Variants in PKP2 observed in about 807,000 individuals in gnomAD.
The protein encoded by PKP2 is plakophilin-2.
A neutral mutation model predicts 83.4 loss-of-function variants in PKP2; 73 were observed. The ratio of observed to expected loss-of-function variants is 0.88; its 90% CI spans 0.72 to 1.06. The LOEUF (loss-of-function observed/expected upper bound fraction) is 1.06, where lower values mean the gene tolerates loss of function less well. Among genes scored for constraint, PKP2 ranks in the 50% least tolerant of loss-of-function variants. The pLI, the probability that PKP2 is intolerant of heterozygous loss-of-function variation, is 0.00. For synonymous variants in PKP2, 409 were observed against 430.4 expected (o/e 0.95, Z 0.62); for missense variants, 966 against 1,065.4 (o/e 0.91, Z 1.30).
At chr12:32,824,230 G>A in intron 6 of PKP2, 68 bp from the exon 7 acceptor site, 2 of 1,076,836 alleles carry the variant, frequency 1.9e-6, no homozygotes, top group Non-Finnish European at 2.9e-6. Context: ...TTGTTTTGAA[G>A]TTTTACTTGA....
At chr12:32,886,913 T>A (rs1290215941) in intron 1 of PKP2, among the ~76,000 whole-genome samples, 2 of 151,954 alleles carry the variant, frequency 1.3e-5, no homozygotes, top group Non-Finnish European at 2.9e-5. Flanking sequence ...GTGGGTGGAT[T>A]GCTTGAGCCC....
chr12:32,867,191 G>A (rs1407955553), intron 4 of PKP2, among the ~76,000 whole-genome samples: 1 of 152,194 alleles, frequency 6.6e-6, no homozygotes, highest in Non-Finnish European at 1.5e-5. Flanking sequence ...AGCTGGGCAT[G>A]GTTGTGTGCG....
chr12:32,854,616 T>C (rs568358332), intron 4 of PKP2, among the ~76,000 whole-genome samples: 76 of 152,252 alleles, frequency 5.0e-4, no homozygotes, highest in Non-Finnish European at 1.0e-3. Context: ...TTCCCAATTA[T>C]ACTGAATCCT....
At chr12:32,822,919 T>C (rs1956396216) in intron 7 of PKP2, among the ~76,000 whole-genome samples, 1 of 152,134 alleles carries the variant, frequency 6.6e-6, no homozygotes. Flanking sequence ...TTACTAGCCA[T>C]GTTGAGCTGG....
chr12:32,841,513 T>C (rs577209730), intron 5 of PKP2, among the ~76,000 whole-genome samples: 1 of 152,296 alleles, frequency 6.6e-6, no homozygotes, highest in East Asian at 1.9e-4. Flanking sequence ...TAAAGGGCCC[T>C]ACCACAAAGC....
At chr12:32,879,989 A>G (rs2137956536) in intron 1 of PKP2, among the ~76,000 whole-genome samples, 1 of 152,096 alleles carries the variant, frequency 6.6e-6, no homozygotes, top group South Asian at 2.1e-4. Context: ...TATAAAATTC[A>G]GTTTCCCGAG....
At chr12:32,884,310 C>G (rs1050893758) in intron 1 of PKP2, among the ~76,000 whole-genome samples, 2 of 152,052 alleles carry the variant, frequency 1.3e-5, no homozygotes, top group African/African-American at 4.8e-5. Context: ...AAAAATTAGC[C>G]GGGCGTGGTG....
chr12:32,805,734 T>C (rs957978656), intron 9 of PKP2, among the ~76,000 whole-genome samples: 3 of 152,228 alleles, frequency 2.0e-5, no homozygotes, highest in Admixed American at 2.0e-4. Context: ...TGAAGTCAGG[T>C]AGCATGATGC....
intron 5 of PKP2, among the ~76,000 whole-genome samples, chr12:32,849,028 CTTCTATGATGTATA>C (rs959208343): frequency 1.3e-5 from 2 of 148,306 alleles, no homozygotes; most frequent in Non-Finnish European, 3.0e-5. Flanking sequence ...AAAAAAACCT[CTTCTATGATGTATA>C]TTCTTTGAGC....
rs189036647 is a variant in PKP2 at position 32,841,210 on chromosome 12, A to G, written c.1379-5T>C. ...ATGACAAATTCCACAGCAAACCTAG[A>G]AAAGCACAGAGTTACCATGAAAACA... On this transcript the variant is annotated splice_region_variant and splice_polypyrimidine_tract_variant and intron_variant, in intron 5 of 12. Coordinates refer to ENST00000340811, the MANE Select transcript of PKP2 (RefSeq NM_001005242.3). 3.7e-6 allele frequency: 6 copies of G among 1,612,236 alleles called. No homozygotes were observed. The highest frequency in any genetic ancestry group is 5.1e-6 in the Non-Finnish European group (6 of 1,178,870).
intron 4 of PKP2, among the ~76,000 whole-genome samples, chr12:32,851,916 G>A (rs937898092): frequency 2.0e-5 from 3 of 152,136 alleles, no homozygotes; most frequent in Non-Finnish European, 2.9e-5. Context: ...GTAAGAAAGC[G>A]CATGCTATTA....
chr12:32,819,303 C>CAATAA (rs1183387884), intron 9 of PKP2, among the ~76,000 whole-genome samples: 14 of 33,514 alleles, frequency 4.2e-4, no homozygotes, highest in East Asian at 3.9e-3. Context: ...CAATACAATA[C>CAATAA]AATACAATAC....
Position 32,890,038 on chromosome 12 carries a change from C to T in PKP2, c.223+6471G>A, listed in dbSNP as rs562990458. 6.8e-4 allele frequency among the ~76,000 whole-genome samples: 93 copies of T among 136,066 alleles called. 1 individual carries two copies. The highest frequency in any genetic ancestry group is 1.2e-3 in the Non-Finnish European group (76 of 65,462). The allele number at this position is 136,066 out of a possible 152,430, so 89.3% of individuals were successfully genotyped here. A position where few individuals can be genotyped will look rare whatever the true frequency, so the allele number is the denominator to read the frequency against. The stretch of plus-strand genomic sequence containing the variant: ...TTGCAGTGAGCCGAGATTGTGCCAC[C>T]GCACTCCAGCCTGGGCATAGAGCGA... On this transcript the variant is annotated intron_variant, in intron 1 of 12. Coordinates refer to ENST00000340811, the MANE Select transcript of PKP2 (RefSeq NM_001005242.3).
At chr12:32,806,139 T>A (rs1487462055) in intron 9 of PKP2, among the ~76,000 whole-genome samples, 2 of 152,238 alleles carry the variant, frequency 1.3e-5, no homozygotes, top group African/African-American at 4.8e-5. Context: ...GATTTTTGTA[T>A]CTATGTTCAC....
At chr12:32,792,993 G>A (rs1396512917) in intron 11 of PKP2, 7 of 433,390 alleles carry the variant, frequency 1.6e-5, no homozygotes, top group African/African-American at 1.2e-4. Context: ...GCTCACGCCT[G>A]TAATCCCAGC....
chr12:32,842,388 G>A (rs959656400), intron 5 of PKP2, among the ~76,000 whole-genome samples: 6 of 150,820 alleles, frequency 4.0e-5, no homozygotes, highest in South Asian at 2.1e-4. Context: ...AATTACAGGC[G>A]CCCGCCACCA....
chr12:32,838,036 T>C (rs1203857855), intron 6 of PKP2, among the ~76,000 whole-genome samples: 1 of 152,244 alleles, frequency 6.6e-6, no homozygotes, highest in East Asian at 1.9e-4. Context: ...TGCGCTCGCA[T>C]GTTCATCGCA....
intron 3 of PKP2, among the ~76,000 whole-genome samples, chr12:32,877,585 A>G (rs1956942158): frequency 1.3e-5 from 2 of 152,226 alleles, no homozygotes; most frequent in Admixed American, 6.5e-5. Flanking sequence ...GGGTCCCTTC[A>G]GCCAGCATCT....
intron 4 of PKP2, among the ~76,000 whole-genome samples, chr12:32,868,651 T>C (rs1314997335): frequency 6.6e-6 from 1 of 151,980 alleles, no homozygotes; most frequent in African/African-American, 2.4e-5. Flanking sequence ...GCCTCTCGAG[T>C]AGCTGGGATT....
Sources: allele counts gnomAD v4.1 joint callset (sites outside exome capture counted in the v4.1 genomes callset), GRCh38; gene constraint gnomAD v4.1.1; transcripts MANE v1.5; gene names NCBI Gene and HGNC (gene_info 2026-07-23, HGNC 2026-07-21).